TOX: variants seen among roughly 807,000 people sequenced by gnomAD.
TOX encodes the protein thymocyte selection associated high mobility group box, also known as thymocyte selection-associated high mobility group box protein TOX.
In TOX, 11 loss-of-function variants were observed where a neutral mutation model predicts 53.7. The ratio of observed to expected loss-of-function variants is 0.20; its 90% CI spans 0.13 to 0.34. TOX has a LOEUF of 0.34. Among genes scored for constraint, TOX ranks in the 10% least tolerant of loss-of-function variants. The probability of loss-of-function intolerance (pLI) is 1.00; values close to 1 mark genes in which losing one functional copy is unlikely to be tolerated. For missense variants in TOX, 570 were observed against 664.6 expected, an observed-to-expected ratio of 0.86 and a Z score of 1.56; for synonymous variants, 225 against 245.3, an observed-to-expected ratio of 0.92 and a Z score of 0.77.
chr8:58,907,858 C>A (rs1313110287), intron 3 of TOX, among the ~76,000 whole-genome samples: 1 of 152,170 alleles, frequency 6.6e-6, no homozygotes, highest in Non-Finnish European at 1.5e-5. Context: ...CTATATGAGG[C>A]AAGTAATCTG....
rs1004470082 is a variant in TOX at position 59,117,473 on chromosome 8, C to A, written c.102+1413G>T. ...GCCTAAACACCATCGGCACACAGCA[C>A]AGTCCTTTGAGTGGGTCTCACACTG... On this transcript the variant is annotated intron_variant, in intron 1 of 8. Coordinates refer to ENST00000361421, the MANE Select transcript of TOX (RefSeq NM_014729.3). This position sits in a 1 kb window ranked among gnomAD's most constrained non-coding sequence, Gnocchi z 4.6. 1.3e-5 allele frequency among the ~76,000 whole-genome samples: 2 copies of A among 152,236 alleles called. No homozygotes were observed. Among genetic ancestry groups the A allele is most frequent in the Non-Finnish European group, 2.9e-5 (2 of 68,048 alleles).
chr8:59,055,033 GA>G (rs1300670171), intron 1 of TOX, among the ~76,000 whole-genome samples: 3 of 151,910 alleles, frequency 2.0e-5, no homozygotes, highest in Non-Finnish European at 4.4e-5. Flanking sequence ...AAGAGAAAAA[GA>G]AAAAAATCTA....
rs1255323846 is a variant in TOX, at chr8:58,940,219, T to G, written c.169-675A>C. Reference sequence around the variant, plus strand: ...TTTCCTCCTAAGAGCTGACAAATAATATTGCAAATATTTAAATTCAGTTCT... The same window carrying G: ...TTTCCTCCTAAGAGCTGACAAATAAGATTGCAAATATTTAAATTCAGTTCT... On this transcript the variant is annotated intron_variant, in intron 2 of 8. Coordinates refer to ENST00000361421, the MANE Select transcript of TOX (RefSeq NM_014729.3). 2.6e-5 allele frequency among the ~76,000 whole-genome samples: 4 copies of G among 152,160 alleles called. No homozygotes were observed. The East Asian group carries it at 7.7e-4, about 29-fold the overall frequency.
At chr8:59,096,791 G>C (rs1488005678) in intron 1 of TOX, among the ~76,000 whole-genome samples, 1 of 152,014 alleles carries the variant, frequency 6.6e-6, no homozygotes, top group Non-Finnish European at 1.5e-5. Context: ...AGTGTTGCTG[G>C]CGTCCTCCCA....
intron 1 of TOX, among the ~76,000 whole-genome samples, chr8:59,040,260 CG>C (rs1168358437): frequency 8.3e-5 from 11 of 132,822 alleles, no homozygotes; most frequent in Non-Finnish European, 1.1e-4. Context: ...ACCCGGGAGG[CG>C]GAGCTTGCAG....
intron 3 of TOX, among the ~76,000 whole-genome samples, chr8:58,894,120 G>C (rs1007739484): frequency 6.6e-6 from 1 of 152,132 alleles, no homozygotes; most frequent in Admixed American, 6.5e-5. Flanking sequence ...AATTGCACTC[G>C]TGTGCTTTGA....
rs543734786 is a variant in TOX at position 59,037,429 on chromosome 8, G to A, written c.103-77421C>T. ...CATGTTCCTCCTGTGAACTGTTAGG[G>A]CTATGTTATAGTACTCGCAATTCTG... On this transcript the variant is annotated intron_variant, in intron 1 of 8. Transcript: ENST00000361421. 2.0e-5 allele frequency among the ~76,000 whole-genome samples: 3 copies of A among 152,088 alleles called. No homozygotes were observed. In the South Asian group the frequency reaches 6.2e-4, roughly 32 times the overall value.
intron 1 of TOX, among the ~76,000 whole-genome samples, chr8:59,000,597 A>G (rs148533316): frequency 2.8e-4 from 43 of 152,280 alleles, no homozygotes; most frequent in African/African-American, 9.1e-4. Flanking sequence ...TTTCACTACC[A>G]GTATGTATAA....
intron 1 of TOX, among the ~76,000 whole-genome samples, chr8:59,099,086 A>G (rs1372356939): frequency 2.0e-5 from 3 of 152,184 alleles, no homozygotes; most frequent in Non-Finnish European, 2.9e-5. Context: ...ACAGCATTAG[A>G]TTTTTAAACT....
rs543895346 is a variant in TOX, at chr8:58,824,779, C to T, written c.1005+2043G>A. Among the ~76,000 whole-genome samples the T allele has an allele frequency of 2.6e-5, 4 of 152,300 alleles. No homozygotes were observed. In the South Asian group the frequency reaches 8.3e-4, roughly 32 times the overall value. On this transcript the variant is annotated intron_variant, in intron 6 of 8. Coordinates refer to ENST00000361421, the MANE Select transcript of TOX (RefSeq NM_014729.3). ...TTCTTCAAGTCTAAGGAAAGGATTT[C>T]CCTGTTCTCCACAGCATTCTCTGAG...
chr8:58,977,329 CT>C (rs752292918), intron 1 of TOX, among the ~76,000 whole-genome samples: 3 of 152,180 alleles, frequency 2.0e-5, no homozygotes, highest in Non-Finnish European at 4.4e-5. Flanking sequence ...TTATCTCAAC[CT>C]TTATAGAATT....
intron 1 of TOX, among the ~76,000 whole-genome samples, chr8:59,054,983 AG>A: frequency 7.7e-6 from 1 of 130,688 alleles, no homozygotes; most frequent in African/African-American, 2.7e-5. Context: ...GGACGGAGGG[AG>A]GGAGGGAGGG....
chr8:59,065,113 G>A (rs1457722910), intron 1 of TOX, among the ~76,000 whole-genome samples: 3 of 152,134 alleles, frequency 2.0e-5, no homozygotes, highest in Non-Finnish European at 2.9e-5. Context: ...ACAGCAAATA[G>A]TAACTCCTTT....
intron 1 of TOX, among the ~76,000 whole-genome samples, chr8:59,080,734 C>T (rs1010411541): frequency 1.3e-5 from 2 of 152,092 alleles, no homozygotes; most frequent in Non-Finnish European, 2.9e-5. Context: ...ACCTTCCCCC[C>T]GACCCTCTTG....
chr8:59,071,130 G>C (rs1384493226), intron 1 of TOX, among the ~76,000 whole-genome samples: 1 of 152,156 alleles, frequency 6.6e-6, no homozygotes, highest in Non-Finnish European at 1.5e-5. Context: ...CAGACATGGG[G>C]CGGGTATCTA....
intron 1 of TOX, among the ~76,000 whole-genome samples, chr8:59,018,414 T>G (rs1021785217): frequency 6.6e-6 from 1 of 152,184 alleles, no homozygotes; most frequent in African/African-American, 2.4e-5. Context: ...GCTCTCAAGT[T>G]TTATTTCAAT....
At chr8:58,903,345 C>G (rs949415595) in intron 3 of TOX, among the ~76,000 whole-genome samples, 1 of 152,020 alleles carries the variant, frequency 6.6e-6, no homozygotes, top group Non-Finnish European at 1.5e-5. Flanking sequence ...ATTAAAAATC[C>G]CAGGGTAAAT....
intron 3 of TOX, among the ~76,000 whole-genome samples, chr8:58,902,287 G>T (rs982609550): frequency 1.3e-5 from 2 of 152,052 alleles, no homozygotes; most frequent in Non-Finnish European, 2.9e-5. Flanking sequence ...ATCAATTTCT[G>T]AACTGAAGAA....
Position 59,118,748 on chromosome 8 carries a change from C to A in TOX, c.102+138G>T. The A allele has an allele frequency of 2.2e-6, 1 of 461,640 alleles. No homozygotes were observed. The highest frequency in any genetic ancestry group is 4.0e-5 in the East Asian group (1 of 25,202). 28.6% of individuals were successfully genotyped at this position (461,640 alleles called of 1,614,324 possible). On this transcript the variant is annotated intron_variant, in intron 1 of 8. Transcript: ENST00000361421. This position sits in a 1 kb window ranked among gnomAD's most constrained non-coding sequence, Gnocchi z 4.1. ...ACAATATTTACTACCCAAGCGCACG[C>A]AGGCTGCAGCGGGCTGCGAGCCGAG...
Sources: gnomAD v4.1 joint callset for allele counts (sites outside exome capture counted in the v4.1 genomes callset) on GRCh38, gnomAD v4.1.1 for gene constraint, Gnocchi (gnomAD v3.1) non-coding constraint, MANE v1.5 for transcripts, NCBI Gene and HGNC (gene_info 2026-07-23, HGNC 2026-07-21) for gene names.